Variants in PDXDC1 observed in about 807,000 individuals in gnomAD.
PDXDC1 encodes the protein pyridoxal dependent decarboxylase domain containing 1.
In PDXDC1, 42 loss-of-function variants were observed where a neutral mutation model predicts 100.1. The observed-to-expected ratio is 0.42, with a 90% CI of 0.33 to 0.54. The LOEUF (loss-of-function observed/expected upper bound fraction) is 0.54. Ranked by LOEUF, PDXDC1 falls within the 20% of genes least tolerant of loss-of-function variation. The pLI is 0.10. For missense variants in PDXDC1, 636 were observed against 979.2 expected (o/e 0.65, Z 4.68); for synonymous variants, 260 against 371.7 (o/e 0.70, Z 3.46).
intron 1 of PDXDC1, among the ~76,000 whole-genome samples, chr16:14,997,524 G>GT (rs2151321933): frequency 6.6e-6 from 1 of 152,412 alleles, no homozygotes; most frequent in South Asian, 2.1e-4. Flanking sequence ...GGGCAACAGA[G>GT]TAAGACTCCA....
At chr16:15,083,415 A>G in intron 16 of PDXDC1, 2 of 1,541,562 alleles carry the variant, frequency 1.3e-6, no homozygotes. Context: ...GAAAAAGAAA[A>G]AGAAAGACTG....
intron 16 of PDXDC1, chr16:15,094,407 T>G: frequency 1.6e-6 from 1 of 638,146 alleles, no homozygotes; most frequent in Non-Finnish European, 2.7e-6. Context: ...CCGCTCCTCG[T>G]TCTACTTGGA....
chr16:15,082,473 G>C (rs1402379650), intron 16 of PDXDC1, among the ~76,000 whole-genome samples: 1 of 152,014 alleles, frequency 6.6e-6, no homozygotes, highest in Non-Finnish European at 1.5e-5. Flanking sequence ...AGGAGTTCAA[G>C]ACCAGTCTGG....
At chr16:15,027,005 AGTCAATAG>A (rs2042656681) in intron 14 of PDXDC1, among the ~76,000 whole-genome samples, 1 of 150,540 alleles carries the variant, frequency 6.6e-6, no homozygotes. Flanking sequence ...ACATATTTTG[AGTCAATAG>A]GTTGTGCCCA....
chr16:14,992,017 T>A, intron 1 of PDXDC1, among the ~76,000 whole-genome samples: 1 of 152,292 alleles, frequency 6.6e-6, no homozygotes, highest in Non-Finnish European at 1.5e-5. Context: ...AGTAGGAGTC[T>A]GAATCCTTGC....
chr16:15,125,649 A>G (rs2047670790), intron 16 of PDXDC1: 2 of 1,248,494 alleles, frequency 1.6e-6, no homozygotes, highest in Non-Finnish European at 2.4e-6. Context: ...CCAAGGCGGC[A>G]GGACCCCCAG....
chr16:14,991,526 A>ATTTTTTTTTTT (rs1168644641), intron 1 of PDXDC1, among the ~76,000 whole-genome samples: 1 of 136,454 alleles, frequency 7.3e-6, no homozygotes, highest in Non-Finnish European at 1.6e-5. Context: ...TATTTTGTCT[A>ATTTTTTTTTTT]TTTTTTTTTT....
chr16:15,128,253 G>A (rs758356873), intron 16 of PDXDC1: 21 of 1,611,026 alleles, frequency 1.3e-5, no homozygotes, highest in East Asian at 2.2e-5. Context: ...TCTTCCACAC[G>A]CTACCCAGGC....
At chr16:15,094,114 G>A (rs776394680) in intron 16 of PDXDC1, 36 of 1,562,256 alleles carry the variant, frequency 2.3e-5, no homozygotes, top group Middle Eastern at 3.3e-4. Context: ...TTTCGTCCCA[G>A]ATACGCAGAA....
chr16:15,104,626 T>A, intron 16 of PDXDC1: 1 of 1,598,490 alleles, frequency 6.3e-7, no homozygotes, highest in Non-Finnish European at 8.5e-7. Flanking sequence ...CTCAGGGAGT[T>A]ATCAGTTATA....
At chr16:15,020,010 G>T (rs1597558343) in intron 12 of PDXDC1, among the ~76,000 whole-genome samples, 2 of 152,048 alleles carry the variant, frequency 1.3e-5, no homozygotes, top group South Asian at 2.1e-4. Flanking sequence ...TGCTCAGGAG[G>T]CTGAGGCCGG....
rs143659781 is a variant in PDXDC1, at chr16:15,006,421, C to T, written c.417C>T (p.His139=). The change falls in exon 6 of 23, where the codon CAC becomes CAT. Residue 139 remains histidine (H), a synonymous_variant. Transcript: ENST00000396410. ...ATGAAAATGGGTGTGCTTATTTCCA[C>T]GAAGAGGAAAGAGAAGGACTTGCAA... ...FRYENGCAYF[H]EEEREGLAKI... 160 of 1,594,778 alleles carry T rather than the reference C, an allele frequency of 1.0e-4. No individual in the cohort carries two copies. The highest frequency in any genetic ancestry group is 5.0e-4 in the Middle Eastern group (3 of 6,000).
At chr16:15,021,453 T>G (rs1009667643) in intron 12 of PDXDC1, among the ~76,000 whole-genome samples, 7 of 152,394 alleles carry the variant, frequency 4.6e-5, no homozygotes, top group African/African-American at 1.4e-4. Context: ...TTGAAAAGTG[T>G]CTCACTGTGC....
At chr16:15,070,723 G>A (rs2045188596) in intron 16 of PDXDC1, among the ~76,000 whole-genome samples, 1 of 152,004 alleles carries the variant, frequency 6.6e-6, no homozygotes, top group African/African-American at 2.4e-5. Flanking sequence ...ATGGGCCACT[G>A]GAAGAAACTG....
chr16:14,977,136 A>G (rs559556612), intron 1 of PDXDC1, among the ~76,000 whole-genome samples: 3 of 152,394 alleles, frequency 2.0e-5, no homozygotes, highest in South Asian at 2.1e-4. Flanking sequence ...CTGAAATTCC[A>G]GTGTGTTTAA....
At chr16:15,042,357 TG>T (rs771634571), downstream of PDXDC1, among the ~76,000 whole-genome samples, 1 of 151,788 alleles carries the variant, frequency 6.6e-6, no homozygotes, top group Non-Finnish European at 1.5e-5. Context: ...GGCTAATTTT[TG>T]TATTTTCAGT....
chr16:15,137,437 G>A (rs1269934967), intron 16 of PDXDC1: 25 of 1,291,288 alleles, frequency 1.9e-5, no homozygotes, highest in Non-Finnish European at 2.5e-5. Context: ...AGCAGAAGGC[G>A]CTGCAGGCCT....
intron 16 of PDXDC1, among the ~76,000 whole-genome samples, chr16:15,132,228 C>G (rs1278657795): frequency 2.2e-4 from 1 of 4,618 alleles, no homozygotes. Flanking sequence ...AGGGGAGGGG[C>G]TAGGGGAGGG....
At chr16:15,024,869 A>G (rs1456401119) in intron 13 of PDXDC1, among the ~76,000 whole-genome samples, 45 of 152,376 alleles carry the variant, frequency 3.0e-4, no homozygotes, top group African/African-American at 9.9e-4. Context: ...TCTTACTACT[A>G]TCTGAAATCA....
Sources: allele counts gnomAD v4.1 joint callset (sites outside exome capture counted in the v4.1 genomes callset), GRCh38; gene constraint gnomAD v4.1.1; transcripts MANE v1.5; gene names NCBI Gene and HGNC (gene_info 2026-07-23, HGNC 2026-07-21).